LSAMP: variants seen among roughly 807,000 people sequenced by gnomAD.
LSAMP encodes the protein limbic system-associated membrane protein.
LSAMP carries 7 observed loss-of-function variants against 38.6 expected under a neutral mutation model. That is an observed-to-expected ratio of 0.18 (90% CI 0.10 to 0.34). LSAMP has a LOEUF of 0.34. Among genes scored for constraint, LSAMP ranks in the 10% least tolerant of loss-of-function variants. The pLI, the probability that LSAMP is intolerant of heterozygous loss-of-function variation, is 1.00. For synonymous variants in LSAMP, 154 were observed against 166.8 expected, an observed-to-expected ratio of 0.92 and a Z score of 0.59; for missense variants, 313 against 420.0, an observed-to-expected ratio of 0.75 and a Z score of 2.23.
rs112731743 is a variant in LSAMP, at chr3:116,226,254, T to C, written c.156-139698A>G. 3.4e-3 allele frequency among the ~76,000 whole-genome samples: 517 copies of C among 152,340 alleles called. 3 individuals carry two copies. The highest frequency in any genetic ancestry group is 0.012 in the African/African-American group (486 of 41,578). On this transcript the variant is annotated intron_variant, in intron 1 of 6. Coordinates refer to ENST00000490035, the MANE Select transcript of LSAMP (RefSeq NM_002338.5). ...ATTCTCATGCTTTATAGTCAAGTTC[T>C]TTCCTCAGATAATAGTCTCCTCAGC...
At chr3:116,064,965 A>G (rs1387573850) in intron 2 of LSAMP, among the ~76,000 whole-genome samples, 1 of 152,216 alleles carries the variant, frequency 6.6e-6, no homozygotes, top group Non-Finnish European at 1.5e-5. Flanking sequence ...CTAAATGTGA[A>G]GTTCAATGCA....
At chr3:116,006,444 C>T (rs968697196) in intron 3 of LSAMP, among the ~76,000 whole-genome samples, 8 of 152,102 alleles carry the variant, frequency 5.3e-5, no homozygotes, top group Non-Finnish European at 1.0e-4. Context: ...TTGATTATAG[C>T]CCACAGCTGA....
chr3:115,901,166 A>G (rs1216526394), intron 3 of LSAMP, among the ~76,000 whole-genome samples: 2 of 152,036 alleles, frequency 1.3e-5, no homozygotes, highest in Non-Finnish European at 2.9e-5. Context: ...CTCTGCCTCT[A>G]GAATCATTTG....
chr3:115,957,351 T>A (rs1938485509), intron 3 of LSAMP, among the ~76,000 whole-genome samples: 2 of 152,192 alleles, frequency 1.3e-5, no homozygotes, highest in South Asian at 4.1e-4. Context: ...GAAACTCTTA[T>A]AAGCACGTTG....
chr3:115,817,423 G>C (rs2107458561), intron 6 of LSAMP, among the ~76,000 whole-genome samples: 1 of 152,168 alleles, frequency 6.6e-6, no homozygotes, highest in South Asian at 2.1e-4. Context: ...TTAGATTAGA[G>C]CTTGGCAGGT....
intron 3 of LSAMP, among the ~76,000 whole-genome samples, chr3:115,879,114 A>T (rs1936259654): frequency 6.6e-6 from 1 of 152,154 alleles, no homozygotes; most frequent in Admixed American, 6.6e-5. Flanking sequence ...TTATGTCATT[A>T]TTACCATTCC....
intron 1 of LSAMP, among the ~76,000 whole-genome samples, chr3:116,354,003 G>A (rs556301587): frequency 4.3e-4 from 65 of 152,238 alleles, no homozygotes; most frequent in African/African-American, 1.5e-3. Flanking sequence ...TACTAATAGA[G>A]TTTGACTGAA....
At chr3:115,831,923 C>G (rs1377131722) in intron 6 of LSAMP, among the ~76,000 whole-genome samples, 1 of 152,086 alleles carries the variant, frequency 6.6e-6, no homozygotes, top group Non-Finnish European at 1.5e-5. Flanking sequence ...TGATTGGACA[C>G]AGCCAATATA....
chr3:115,813,754 T>C (rs1413843952), intron 6 of LSAMP, among the ~76,000 whole-genome samples: 3 of 152,240 alleles, frequency 2.0e-5, no homozygotes, highest in Non-Finnish European at 4.4e-5. Flanking sequence ...AGTTAATGGC[T>C]ATTTCAGGGA....
At chr3:115,886,340 T>A (rs1936452677) in intron 3 of LSAMP, among the ~76,000 whole-genome samples, 1 of 152,036 alleles carries the variant, frequency 6.6e-6, no homozygotes. Flanking sequence ...TCTTAATTTC[T>A]ATATTTATCT....
At position 116,053,605 on chromosome 3, in the gene LSAMP, C is replaced by G. The variant is rs562370512; in HGVS notation, c.388+32719G>C. 2.0e-5 allele frequency among the ~76,000 whole-genome samples: 3 copies of G among 152,176 alleles called. No homozygotes were observed. In the South Asian group the frequency reaches 6.2e-4, roughly 32 times the overall value. Reference sequence around the variant, plus strand: ...CTAAGGAATGCTTTGGGCACAGGTTCAAAGGTGGCAAACTTAAATGAGTTT... The same window carrying G: ...CTAAGGAATGCTTTGGGCACAGGTTGAAAGGTGGCAAACTTAAATGAGTTT... On this transcript the variant is annotated intron_variant, in intron 2 of 6. Coordinates refer to ENST00000490035, the MANE Select transcript of LSAMP (RefSeq NM_002338.5).
intron 1 of LSAMP, among the ~76,000 whole-genome samples, chr3:116,103,630 T>C (rs1272799983): frequency 6.6e-6 from 1 of 151,346 alleles, no homozygotes; most frequent in Non-Finnish European, 1.5e-5. Context: ...CTTATTTATA[T>C]ATCCTTCCCT....
At chr3:116,409,566 A>G (rs751977259) in intron 1 of LSAMP, among the ~76,000 whole-genome samples, 5 of 152,028 alleles carry the variant, frequency 3.3e-5, no homozygotes, top group African/African-American at 9.7e-5. Context: ...GGCGACTGGA[A>G]GGGTGAGCCA....
intron 1 of LSAMP, among the ~76,000 whole-genome samples, chr3:116,374,374 C>T (rs2048468680): frequency 6.6e-6 from 1 of 151,872 alleles, no homozygotes. Context: ...AATTGGTAGG[C>T]ATTTCCCATT....
At chr3:116,439,608 GTTGA>G (rs776026661) in intron 1 of LSAMP, among the ~76,000 whole-genome samples, 3 of 152,318 alleles carry the variant, frequency 2.0e-5, no homozygotes, top group African/African-American at 7.2e-5. Flanking sequence ...TTGAAAAGCC[GTTGA>G]TTGTTTACAT....
chr3:116,197,030 C>T (rs936249794), intron 1 of LSAMP, among the ~76,000 whole-genome samples: 62 of 152,056 alleles, frequency 4.1e-4, no homozygotes, highest in African/African-American at 1.4e-3. Context: ...GACTAGAAGC[C>T]ATTCAGTGAT....
chr3:115,996,532 A>C (rs1233449524), intron 3 of LSAMP, among the ~76,000 whole-genome samples: 1 of 152,150 alleles, frequency 6.6e-6, no homozygotes, highest in Non-Finnish European at 1.5e-5. Flanking sequence ...CTTAAATTAA[A>C]AAAAACAAAT....
At chr3:116,301,937 C>G (rs896406721) in intron 1 of LSAMP, among the ~76,000 whole-genome samples, 3 of 152,268 alleles carry the variant, frequency 2.0e-5, no homozygotes. Context: ...GGTAAAAATT[C>G]ACCCACATTT....
At chr3:115,819,241 C>T (rs960908897) in intron 6 of LSAMP, among the ~76,000 whole-genome samples, 5 of 151,772 alleles carry the variant, frequency 3.3e-5, no homozygotes, top group African/African-American at 9.7e-5. Flanking sequence ...GTCAGGAGTT[C>T]GACCAACACA....
Sources: allele counts gnomAD v4.1 joint callset (sites outside exome capture counted in the v4.1 genomes callset), GRCh38; gene constraint gnomAD v4.1.1; transcripts MANE v1.5; gene names NCBI Gene and HGNC (gene_info 2026-07-23, HGNC 2026-07-21).